RBBP4: variants seen among roughly 807,000 people sequenced by gnomAD.
RBBP4 encodes the protein histone-binding protein RBBP4.
In RBBP4, 3 loss-of-function variants were observed where a neutral mutation model predicts 57.2. The observed-to-expected ratio is 0.05, with a 90% confidence interval of 0.02 to 0.14. RBBP4 has a LOEUF of 0.14. Among genes scored for constraint, RBBP4 ranks in the 10% least tolerant of loss-of-function variants. The probability of loss-of-function intolerance (pLI) is 1.00; values close to 1 mark genes in which losing one functional copy is unlikely to be tolerated. For synonymous variants in RBBP4, 151 were observed against 171.5 expected, an observed-to-expected ratio of 0.88 and a Z score of 0.93; for missense variants, 107 against 520.6, an observed-to-expected ratio of 0.21 and a Z score of 7.73.
rs71006354 is a variant in RBBP4 at position 32,661,870 on chromosome 1, C to CT, written c.310+4334dup. ...AGTGTCTGTTCATGTCCTTTGCCCA[C>CT]TTTTTTTTTTTTTTTTTTTTTTTTT... is the stretch of plus-strand genomic sequence containing the variant. On this transcript the variant is annotated intron_variant, in intron 3 of 11. Transcript: ENST00000373493. Among the ~76,000 whole-genome samples, 4 of 49,308 alleles carry CT rather than the reference C, an allele frequency of 8.1e-5. 2 individuals carry two copies. Among genetic ancestry groups the CT allele is most frequent in the African/African-American group, 1.8e-4 (2 of 11,078 alleles). 32.3% of individuals were successfully genotyped at this position (49,308 alleles called of 152,430 possible).
intron 3 of RBBP4, among the ~76,000 whole-genome samples, chr1:32,658,781 CAA>C (rs1195654958): frequency 6.6e-6 from 1 of 151,746 alleles, no homozygotes; most frequent in Non-Finnish European, 1.5e-5. Flanking sequence ...CTCCGGACCT[CAA>C]ATGATCCTCC....
chr1:32,676,680 C>T lies in RBBP4; in HGVS notation c.1213-2960C>T, dbSNP rs1230790827. Among the ~76,000 whole-genome samples, 3 of 150,762 alleles carry T rather than the reference C, an allele frequency of 2.0e-5. No homozygotes were observed. In the East Asian group the frequency reaches 5.8e-4, roughly 29 times the overall value. The stretch of plus-strand genomic sequence containing the variant: ...GTGCTTGGTACCTAGTTCTTGGTTT[C>T]TTTAGACCTTTCTGTATTATAATTT... On this transcript the variant is annotated intron_variant, in intron 11 of 11. Coordinates refer to ENST00000373493, the MANE Select transcript of RBBP4 (RefSeq NM_005610.3).
At position 32,668,337 on chromosome 1, in the gene RBBP4, A is replaced by C. The variant is rs1418954173; in HGVS notation, c.423A>C (p.Ala141=). Residue 141 remains alanine (A), a synonymous_variant, in exon 4 of 12, where the codon GCA becomes GCC. Transcript: ENST00000373493. ...RYMPQNPCII[A]TKTPSSDVLV... Reference sequence around the variant, plus strand: ...TGCCCCAGAACCCTTGTATCATCGCAACAAAGACTCCTTCCAGTGATGTTC... The same window carrying C: ...TGCCCCAGAACCCTTGTATCATCGCCACAAAGACTCCTTCCAGTGATGTTC... 2.5e-6 allele frequency: 4 copies of C among 1,609,760 alleles called. No individual in the cohort carries two copies. Among genetic ancestry groups the C allele is most frequent in the Non-Finnish European group, 2.6e-6 (3 of 1,176,146 alleles).
At chr1:32,670,128 G>A (rs1648809102) in intron 8 of RBBP4, among the ~76,000 whole-genome samples, 3 of 152,204 alleles carry the variant, frequency 2.0e-5, no homozygotes, top group Admixed American at 6.5e-5. Context: ...AGGCTGAGAT[G>A]GGTGGATTGC....
At chr1:32,660,131 G>T (rs147372385) in intron 3 of RBBP4, among the ~76,000 whole-genome samples, 1 of 152,120 alleles carries the variant, frequency 6.6e-6, no homozygotes, top group Middle Eastern at 3.4e-3. Context: ...TTTTTTGCCC[G>T]TATTTCCTTT....
In RBBP4 at chr1:32,686,088, TA is replaced by T. The variant is rs1649811310; in HGVS notation, c.*6385del. On this transcript the variant is annotated 3_prime_UTR_variant, in exon 12 of 12. Coordinates refer to ENST00000373493, the MANE Select transcript of RBBP4 (RefSeq NM_005610.3). Reference sequence around the variant, plus strand: ...GACTAGTCTCAATTGAGATGTAATGTAAGTGTAAAATACACAGCAGATTTCT... The same window carrying T: ...GACTAGTCTCAATTGAGATGTAATGTAGTGTAAAATACACAGCAGATTTCT... 6.6e-6 allele frequency: 1 copy of T among 152,242 alleles called. No individual in the cohort carries two copies. Among genetic ancestry groups the T allele is most frequent in the Non-Finnish European group, 1.5e-5 (1 of 68,046 alleles). 9.4% of individuals were successfully genotyped at this position (152,242 alleles called of 1,614,324 possible).
In RBBP4 at chr1:32,681,609, T is replaced by G; in HGVS notation, c.*1904T>G. The G allele has an allele frequency of 1.2e-5, 7 of 604,284 alleles. No individual in the cohort carries two copies. Among genetic ancestry groups the G allele is most frequent in the Non-Finnish European group, 1.2e-5 (4 of 341,662 alleles). The allele number at this position is 604,284 out of a possible 1,614,324, so 37.4% of individuals were successfully genotyped here. A position where few individuals can be genotyped will look rare whatever the true frequency, so the allele number is the denominator to read the frequency against. On this transcript the variant is annotated 3_prime_UTR_variant, in exon 12 of 12. Coordinates refer to ENST00000373493, the MANE Select transcript of RBBP4 (RefSeq NM_005610.3). ...CTCATCTTTCCTTTCCTTGGTGCAT[T>G]GAGATCAGTATCAACAGCAGATGAA...
chr1:32,673,448 T>C (rs765105056), intron 11 of RBBP4: 46 of 432,412 alleles, frequency 1.1e-4, no homozygotes, highest in Middle Eastern at 7.6e-4. Context: ...TTCTCTTTTT[T>C]TTTTTTTGAG....
At chr1:32,676,564 A>G (rs1649108336) in intron 11 of RBBP4, among the ~76,000 whole-genome samples, 1 of 150,862 alleles carries the variant, frequency 6.6e-6, no homozygotes, top group South Asian at 2.1e-4. Flanking sequence ...GTGAGCCAAG[A>G]TCGCACCATT....
intron 3 of RBBP4, among the ~76,000 whole-genome samples, chr1:32,665,259 T>C (rs545380163): frequency 2.0e-5 from 3 of 152,332 alleles, no homozygotes; most frequent in African/African-American, 7.2e-5. Context: ...TTTTTATTTT[T>C]AGGTTTTTAG....
chr1:32,651,284 T>G lies in RBBP4; in HGVS notation c.-23T>G, dbSNP rs763064585. ...CCTCCCGCAACGCTCGACCCCAGGATTCCCCCGGCTCGCCTGCCCGCCATG... is the reference window on the plus strand; with the variant it reads ...CCTCCCGCAACGCTCGACCCCAGGAGTCCCCCGGCTCGCCTGCCCGCCATG... On this transcript the variant is annotated 5_prime_UTR_variant, in exon 1 of 12. Transcript: ENST00000373493. The G allele has an allele frequency of 1.2e-4, 179 of 1,489,612 alleles. No individual in the cohort carries two copies. The highest frequency in any genetic ancestry group is 1.5e-4 in the Non-Finnish European group (169 of 1,120,558). 92.3% of individuals were successfully genotyped at this position (1,489,612 alleles called of 1,614,324 possible).
In RBBP4 at chr1:32,679,925, A is replaced by G. The variant is rs1649316331; in HGVS notation, c.*220A>G. 2 of 1,292,480 alleles carry G rather than the reference A, an allele frequency of 1.5e-6. No homozygotes were observed. Among genetic ancestry groups the G allele is most frequent in the Middle Eastern group, 3.0e-4 (1 of 3,352 alleles). 80.1% of individuals were successfully genotyped at this position (1,292,480 alleles called of 1,614,324 possible). On this transcript the variant is annotated 3_prime_UTR_variant, in exon 12 of 12. Coordinates refer to ENST00000373493, the MANE Select transcript of RBBP4 (RefSeq NM_005610.3). ...CTTAACGTTGAAATTTTCTTCAGGA[A>G]TTTTCTAGTAACCCAGGTCTAAAGT...
intron 3 of RBBP4, among the ~76,000 whole-genome samples, chr1:32,659,435 C>G (rs1200441604): frequency 6.6e-6 from 1 of 151,698 alleles, no homozygotes; most frequent in African/African-American, 2.4e-5. Context: ...TGGCACGCAC[C>G]TGTAATCCCA....
chr1:32,658,155 A>G (rs894171825), intron 3 of RBBP4, among the ~76,000 whole-genome samples: 2 of 152,056 alleles, frequency 1.3e-5, no homozygotes, highest in African/African-American at 4.8e-5. Flanking sequence ...ACCCATCCAT[A>G]TTGCTATACA....
At chr1:32,664,986 A>C (rs1268057777) in intron 3 of RBBP4, among the ~76,000 whole-genome samples, 1 of 152,214 alleles carries the variant, frequency 6.6e-6, no homozygotes, top group Non-Finnish European at 1.5e-5. Flanking sequence ...AAAAATAATA[A>C]TAATAATGCA....
At position 32,657,410 on chromosome 1, in the gene RBBP4, A is replaced by G. The variant is rs1036741992; in HGVS notation, c.165-17A>G. 4 of 1,608,620 alleles carry G rather than the reference A, an allele frequency of 2.5e-6. No homozygotes were observed. The highest frequency in any genetic ancestry group is 2.2e-5 in the East Asian group (1 of 44,822). On this transcript the variant is annotated splice_polypyrimidine_tract_variant and intron_variant, in intron 2 of 11. Coordinates refer to ENST00000373493, the MANE Select transcript of RBBP4 (RefSeq NM_005610.3). ...GATGTTACTAATTTGAACAGTGACT[A>G]TATATTGCCGTTACAGACCAGAAGG...
intron 11 of RBBP4, among the ~76,000 whole-genome samples, chr1:32,677,875 A>G (rs28473036): frequency 0.072 from 11,003 of 152,222 alleles, 1,324 homozygotes; most frequent in African/African-American, 0.25. Flanking sequence ...TCATAGTGAT[A>G]TGTGCATGGT....
At position 32,652,017 on chromosome 1, in the gene RBBP4, G is replaced by A. The variant is rs754484184; in HGVS notation, c.120G>A (p.Leu40=). ...ATGATTTGGTGATGACCCATGCTCT[G>A]GAGTGGCCCAGCCTAACTGCCCAGT... ...FLYDLVMTHA[L]EWPSLTAQWL... Residue 40 remains leucine (L), a synonymous_variant, in exon 2 of 12, where the codon CTG becomes CTA. Transcript: ENST00000373493. 7.4e-6 allele frequency: 12 copies of A among 1,613,950 alleles called. No homozygotes were observed. The highest frequency in any genetic ancestry group is 1.0e-5 in the Non-Finnish European group (12 of 1,179,848).
Position 32,681,670 on chromosome 1 carries a change from C to T in RBBP4, c.*1965C>T, listed in dbSNP as rs558541077. 69 of 865,906 alleles carry T rather than the reference C, an allele frequency of 8.0e-5. No homozygotes were observed. The African/African-American group carries it at 8.8e-4, about 11-fold the overall frequency. The allele number at this position is 865,906 out of a possible 1,614,324, so 53.6% of individuals were successfully genotyped here. A position where few individuals can be genotyped will look rare whatever the true frequency, so the allele number is the denominator to read the frequency against. ...GCAAAGAGTTGACATGTTCTGCCTC[C>T]GGCCAACTCTAGAATCTTTTTAAGC... On this transcript the variant is annotated 3_prime_UTR_variant, in exon 12 of 12. Coordinates refer to ENST00000373493, the MANE Select transcript of RBBP4 (RefSeq NM_005610.3).
Sources: gnomAD v4.1 joint callset for allele counts (sites outside exome capture counted in the v4.1 genomes callset) on GRCh38, gnomAD v4.1.1 for gene constraint, MANE v1.5 for transcripts, NCBI Gene and HGNC (gene_info 2026-07-23, HGNC 2026-07-21) for gene names.